MAN1C1: variants seen among roughly 807,000 people sequenced by gnomAD.
MAN1C1 encodes mannosidase alpha class 1C member 1.
In MAN1C1, 49 loss-of-function variants were observed where a neutral mutation model predicts 71.5. The observed-to-expected ratio is 0.69, with a 90% CI of 0.54 to 0.87. The LOEUF is 0.87. Ranked by LOEUF, MAN1C1 falls within the 40% of genes least tolerant of loss-of-function variation. The pLI, the probability that MAN1C1 is intolerant of heterozygous loss-of-function variation, is 0.00. For synonymous variants in MAN1C1, 352 were observed against 343.7 expected, an observed-to-expected ratio of 1.02 and a Z score of -0.27; for missense variants, 743 against 835.0, an observed-to-expected ratio of 0.89 and a Z score of 1.36.
intron 1 of MAN1C1, among the ~76,000 whole-genome samples, chr1:25,657,881 A>T (rs2045790517): frequency 6.6e-6 from 1 of 152,186 alleles, no homozygotes; most frequent in African/African-American, 2.4e-5. Context: ...GGCCCCAGGG[A>T]TATGAACCCC....
chr1:25,643,853 T>A lies in MAN1C1; in HGVS notation c.540+25516T>A, dbSNP rs2124762169. On this transcript the variant is annotated intron_variant, in intron 1 of 11. Coordinates refer to ENST00000374332, the MANE Select transcript of MAN1C1 (RefSeq NM_020379.4). The stretch of plus-strand genomic sequence containing the variant: ...TTTCTACCCCCTAACATTATTGTCC[T>A]AAAAATTGCCTTCATGTGGCTGCTA... 1.3e-5 allele frequency among the ~76,000 whole-genome samples: 2 copies of A among 152,220 alleles called. 1 individual carries two copies.
intron 1 of MAN1C1, among the ~76,000 whole-genome samples, chr1:25,651,524 C>G (rs2045692781): frequency 1.3e-5 from 2 of 152,358 alleles, no homozygotes; most frequent in Non-Finnish European, 1.5e-5. Flanking sequence ...CAAGTCTCCT[C>G]AAAGAAGTAT....
Position 25,771,726 on chromosome 1 carries a change from G to A in MAN1C1, c.1211G>A (p.Gly404Asp). ...TTGATCAAATCCTGGTTGATGTCGG[G>A]CAAGACAGATATGGAGGCTAAAAAT... ...EYLIKSWLMS[G>D]KTDMEAKNMY... Residue 404 changes from glycine to aspartate, a missense_variant, in exon 8 of 12, where the codon GGC becomes GAC. Coordinates refer to ENST00000374332, the MANE Select transcript of MAN1C1 (RefSeq NM_020379.4). 1 of 1,614,154 alleles carries A rather than the reference G, an allele frequency of 6.2e-7. No homozygotes were observed. Among genetic ancestry groups the A allele is most frequent in the African/African-American group, 1.3e-5 (1 of 75,072 alleles).
Position 25,733,498 on chromosome 1 carries a change from G to A in MAN1C1, c.638-13170G>A, listed in dbSNP as rs531551313. Among the ~76,000 whole-genome samples, 122 of 152,174 alleles carry A rather than the reference G, an allele frequency of 8.0e-4. 2 individuals are homozygous for A. The highest frequency in any genetic ancestry group is 6.8e-3 in the Middle Eastern group (2 of 294). On this transcript the variant is annotated intron_variant, in intron 2 of 11. Transcript: ENST00000374332. The stretch of plus-strand genomic sequence containing the variant: ...CCCCTTTCTCCTGGGCCTCCTTCAA[G>A]CCTCTGCCCGAACGCTGCCCATCTC...
intron 7 of MAN1C1, among the ~76,000 whole-genome samples, chr1:25,768,467 C>A (rs1347532881): frequency 1.5e-5 from 2 of 132,316 alleles, no homozygotes; most frequent in Non-Finnish European, 3.3e-5. Context: ...TCCCCTCACA[C>A]ACACACATTA....
chr1:25,758,690 A>C lies in MAN1C1; in HGVS notation c.1028A>C (p.Asn343Thr). 1 of 1,614,088 alleles carries C rather than the reference A, an allele frequency of 6.2e-7. No individual in the cohort carries two copies. ...TTACACCTCACTGAACTCTCTGGCA[A>C]CCAGGTCTTCGCTGAAAAGGCAAGT... ...EFLHLTELSG[N>T]QVFAEKVRNI... The change falls in exon 6 of 12, where the codon AAC becomes ACC. Residue 343 changes from asparagine (N) to threonine (T), a missense_variant. Asn to Thr is a moderately conservative substitution (Grantham distance 65). Coordinates refer to ENST00000374332, the MANE Select transcript of MAN1C1 (RefSeq NM_020379.4).
At chr1:25,672,837 G>T (rs977417017) in intron 1 of MAN1C1, among the ~76,000 whole-genome samples, 5 of 152,212 alleles carry the variant, frequency 3.3e-5, no homozygotes, top group African/African-American at 1.2e-4. Flanking sequence ...GCTGAAGCGT[G>T]GTGGGGAAAG....
chr1:25,660,185 T>A (rs184431700), intron 1 of MAN1C1, among the ~76,000 whole-genome samples: 1 of 152,156 alleles, frequency 6.6e-6, no homozygotes. Flanking sequence ...GCGGATCACC[T>A]GAGGTCAGGA....
intron 1 of MAN1C1, chr1:25,658,712 C>T (rs1227505769): frequency 6.6e-6 from 1 of 152,202 alleles, no homozygotes; most frequent in African/African-American, 2.4e-5. Flanking sequence ...TCCTCAGCCT[C>T]CCAAAGTGTT....
intron 1 of MAN1C1, among the ~76,000 whole-genome samples, chr1:25,652,381 G>A (rs2045705411): frequency 6.6e-6 from 1 of 152,252 alleles, no homozygotes; most frequent in Admixed American, 6.5e-5. Context: ...TCTGCTCAGT[G>A]TGGCAGTGGC....
rs574100539 is a variant in MAN1C1, at chr1:25,741,279, C to A, written c.638-5389C>A. On this transcript the variant is annotated intron_variant, in intron 2 of 11. Coordinates refer to ENST00000374332, the MANE Select transcript of MAN1C1 (RefSeq NM_020379.4). ...ACAGGCGTGAGCCACTGTGCCTGGCCGATGGATTTTAAGATTTGAAATCAC... is the reference window on the plus strand; with the variant it reads ...ACAGGCGTGAGCCACTGTGCCTGGCAGATGGATTTTAAGATTTGAAATCAC... Among the ~76,000 whole-genome samples the A allele has an allele frequency of 5.9e-5, 9 of 152,162 alleles. No homozygotes were observed. The South Asian group carries it at 1.9e-3, about 32-fold the overall frequency.
At chr1:25,639,252 T>C (rs2045506202) in intron 1 of MAN1C1, among the ~76,000 whole-genome samples, 1 of 152,188 alleles carries the variant, frequency 6.6e-6, no homozygotes, top group South Asian at 2.1e-4. Context: ...ATTGTTTCCA[T>C]ATTTTCCTTA....
intron 1 of MAN1C1, among the ~76,000 whole-genome samples, chr1:25,627,236 A>G (rs1002423915): frequency 2.6e-5 from 4 of 151,614 alleles, no homozygotes; most frequent in African/African-American, 7.3e-5. Flanking sequence ...TTTATCTTTT[A>G]TGTCATTCCA....
chr1:25,778,354 A>G lies in MAN1C1; in HGVS notation c.1477+30A>G. 1 of 1,580,856 alleles carries G rather than the reference A, an allele frequency of 6.3e-7. No homozygotes were observed. Among genetic ancestry groups the G allele is most frequent in the Non-Finnish European group, 8.6e-7 (1 of 1,159,014 alleles). On this transcript the variant is annotated intron_variant, in intron 9 of 11. Coordinates refer to ENST00000374332, the MANE Select transcript of MAN1C1 (RefSeq NM_020379.4). This position sits in a 1 kb window ranked among gnomAD's most constrained non-coding sequence, Gnocchi z 5.5. ...CCCTGCAAGGGGAAGGGGCAGCAGGAGAGACTGAGGCTAGACACCAGGAAG... is the reference window on the plus strand; with the variant it reads ...CCCTGCAAGGGGAAGGGGCAGCAGGGGAGACTGAGGCTAGACACCAGGAAG...
chr1:25,708,257 G>A (rs553663874), intron 2 of MAN1C1, among the ~76,000 whole-genome samples: 83 of 152,148 alleles, frequency 5.5e-4, no homozygotes, highest in Admixed American at 1.3e-3. Context: ...TGAACTGAGG[G>A]TTCCTCCCTT....
chr1:25,636,202 T>A (rs2045457956), intron 1 of MAN1C1, among the ~76,000 whole-genome samples: 1 of 152,236 alleles, frequency 6.6e-6, no homozygotes, highest in African/African-American at 2.4e-5. Flanking sequence ...ACGTATTGTC[T>A]TGATAAACAT....
intron 1 of MAN1C1, among the ~76,000 whole-genome samples, chr1:25,682,223 A>T (rs1277172430): frequency 1.3e-5 from 2 of 152,254 alleles, no homozygotes. Flanking sequence ...ACCTGAGGGT[A>T]GATGCAGATA....
At position 25,781,023 on chromosome 1, in the gene MAN1C1, C is replaced by T; in HGVS notation, c.1561C>T (p.Leu521Phe). Reference sequence around the variant, plus strand: ...CCAGCTGAGCGAGAGCTACTACATCCTCCGGCCAGAGGTGGTGGAGAGCTA... The same window carrying T: ...CCAGCTGAGCGAGAGCTACTACATCTTCCGGCCAGAGGTGGTGGAGAGCTA... ...ATQLSESYYI[L>F]RPEVVESYMY... The change falls in exon 10 of 12, where the codon CTC becomes TTC. Residue 521 changes from leucine (L) to phenylalanine (F), a missense_variant. Transcript: ENST00000374332. 1 of 1,614,160 alleles carries T rather than the reference C, an allele frequency of 6.2e-7. No homozygotes were observed.
intron 1 of MAN1C1, among the ~76,000 whole-genome samples, chr1:25,680,030 CATAAT>C (rs1332282491): frequency 6.8e-6 from 1 of 146,454 alleles, no homozygotes; most frequent in African/African-American, 2.5e-5. Flanking sequence ...ATTCATATAC[CATAAT>C]ATCTGACTTT....
Sources: gnomAD v4.1 joint callset for allele counts (sites outside exome capture counted in the v4.1 genomes callset) on GRCh38, gnomAD v4.1.1 for gene constraint, Gnocchi (gnomAD v3.1) non-coding constraint, MANE v1.5 for transcripts, NCBI Gene and HGNC (gene_info 2026-07-23, HGNC 2026-07-21) for gene names.